The following USH2A variants were observed in gnomAD, a reference collection of about 807,000 sequenced individuals.
USH2A encodes the protein usherin.
In USH2A, 443 loss-of-function variants were observed where a neutral mutation model predicts 538.9. The observed-to-expected ratio is 0.82, with a 90% CI of 0.76 to 0.89. USH2A has a LOEUF of 0.89. USH2A is among the 40% of genes least tolerant of loss of function. USH2A has a pLI of 0.00. For synonymous variants in USH2A, 2,413 were observed against 2,273.5 expected (o/e 1.06, Z -1.75); for missense variants, 6,633 against 6,324.8 (o/e 1.05, Z -1.65).
intron 68 of USH2A, among the ~76,000 whole-genome samples, chr1:215,640,243 T>C (rs1656630274): frequency 6.6e-6 from 1 of 152,138 alleles, no homozygotes; most frequent in Non-Finnish European, 1.5e-5. Flanking sequence ...AGGGTAGTCA[T>C]TGACTATGTA....
intron 14 of USH2A, among the ~76,000 whole-genome samples, chr1:216,219,463 C>T (rs887381227): frequency 2.0e-5 from 3 of 152,012 alleles, no homozygotes; most frequent in Non-Finnish European, 4.4e-5. Context: ...TAAACACTTC[C>T]AAGACTCTTT....
intron 58 of USH2A, among the ~76,000 whole-genome samples, chr1:215,752,489 T>C (rs1237807662): frequency 2.0e-5 from 3 of 152,178 alleles, no homozygotes; most frequent in African/African-American, 7.2e-5. Context: ...ATGATCTCTT[T>C]ACAGCAATTT....
intron 70 of USH2A, among the ~76,000 whole-genome samples, chr1:215,633,077 C>G (rs1656361112): frequency 6.6e-6 from 1 of 152,048 alleles, no homozygotes. Context: ...GTGGTAAATG[C>G]TATAGAAAAG....
At chr1:216,094,957 T>G (rs1034638226) in intron 22 of USH2A, among the ~76,000 whole-genome samples, 11 of 140,440 alleles carry the variant, frequency 7.8e-5, no homozygotes, top group Non-Finnish European at 1.1e-4. Flanking sequence ...CGTGTGTAGG[T>G]GTGTGTGTGT....
chr1:216,220,923 T>C (rs958071342), intron 14 of USH2A, among the ~76,000 whole-genome samples: 3 of 152,132 alleles, frequency 2.0e-5, no homozygotes, highest in African/African-American at 4.8e-5. Flanking sequence ...GATCTCCAAT[T>C]GCTAAGGGAT....
chr1:215,660,144 G>T (rs184251287), intron 64 of USH2A, among the ~76,000 whole-genome samples: 50 of 152,144 alleles, frequency 3.3e-4, no homozygotes, highest in Non-Finnish European at 5.7e-4. Context: ...GAATCTTAAG[G>T]TTCGAATTTG....
At chr1:215,692,418 A>T (rs770328438) in intron 61 of USH2A, among the ~76,000 whole-genome samples, 1 of 151,728 alleles carries the variant, frequency 6.6e-6, no homozygotes, top group Non-Finnish European at 1.5e-5. Context: ...AATGAGGTAG[A>T]GATTGATGAC....
intron 3 of USH2A, among the ~76,000 whole-genome samples, chr1:216,414,765 T>G (rs990182769): frequency 6.6e-6 from 1 of 152,098 alleles, no homozygotes. Flanking sequence ...ATTCATCAAT[T>G]TGTGGCCATT....
In USH2A at chr1:216,089,100, T is replaced by C. The variant is rs1162786402; in HGVS notation, c.4798A>G (p.Lys1600Glu). The C allele has an allele frequency of 6.2e-7, 1 of 1,613,434 alleles. No individual in the cohort carries two copies. The highest frequency in any genetic ancestry group is 1.7e-5 in the Admixed American group (1 of 59,984). Residue 1600 changes from lysine to glutamate, a missense_variant, in exon 23 of 72, where the codon AAA (lysine) becomes GAA (glutamate). By Grantham distance (56) the Lys-to-Glu change is moderately conservative (BLOSUM62 1). Transcript: ENST00000307340. ...TGCCATTTTCCATCACTATATTGTT[T>C]GCCATGATCATTAGTTGTAGTTACT... ...VEVTTTNDHG[K>E]QYSDGKWHEI... is the part of the protein sequence containing the mutation.
At chr1:215,992,312 T>C (rs542045363) in intron 35 of USH2A, among the ~76,000 whole-genome samples, 1 of 152,194 alleles carries the variant, frequency 6.6e-6, no homozygotes, top group South Asian at 2.1e-4. Flanking sequence ...TACTATGTTA[T>C]ATGAACCTTA....
At chr1:216,240,737 A>G (rs930285695) in intron 13 of USH2A, among the ~76,000 whole-genome samples, 20 of 152,142 alleles carry the variant, frequency 1.3e-4, no homozygotes, top group Admixed American at 1.3e-3. Context: ...CTTTTTCAGA[A>G]GCTACTAGAA....
intron 14 of USH2A, among the ~76,000 whole-genome samples, chr1:216,229,776 AGGTGAT>A (rs1237392040): frequency 1.3e-5 from 2 of 152,192 alleles, no homozygotes; most frequent in Non-Finnish European, 2.9e-5. Flanking sequence ...GCAGAGTGAC[AGGTGAT>A]GGAACAGTAC....
At chr1:215,676,946 C>T (rs563026795) in intron 62 of USH2A, among the ~76,000 whole-genome samples, 230 of 152,276 alleles carry the variant, frequency 1.5e-3, no homozygotes, top group Middle Eastern at 3.4e-3. Context: ...TTTAAATAGG[C>T]GATTACCAAT....
At chr1:216,200,998 TCCC>T (rs2102469596) in intron 16 of USH2A, among the ~76,000 whole-genome samples, 1 of 35,724 alleles carries the variant, frequency 2.8e-5, no homozygotes, top group African/African-American at 1.3e-4. Flanking sequence ...CCTCCCTCCC[TCCC>T]TCCCTCCCTC....
chr1:216,121,533 A>G (rs2033139087), intron 21 of USH2A, among the ~76,000 whole-genome samples: 1 of 152,154 alleles, frequency 6.6e-6, no homozygotes, highest in South Asian at 2.1e-4. Flanking sequence ...CATAACCCAA[A>G]TAACTTCAGT....
At position 215,671,069 on chromosome 1, in the gene USH2A, G is replaced by A; in HGVS notation, c.14036C>T (p.Thr4679Ile). 2.5e-6 allele frequency: 4 copies of A among 1,614,162 alleles called. No homozygotes were observed. The highest frequency in any genetic ancestry group is 3.4e-6 in the Non-Finnish European group (4 of 1,180,008). The change falls in exon 64 of 72, where the codon ACT becomes ATT. Residue 4679 changes from threonine to isoleucine, a missense_variant. Coordinates refer to ENST00000307340, the MANE Select transcript of USH2A (RefSeq NM_206933.4). The stretch of plus-strand genomic sequence containing the variant: ...GACTGGATTGGATTTTCTAGGCTGA[G>A]TTGCTATTTGTCTTCTGTATAATTC... Reference protein sequence around the residue: ...YYELYRRQIATQPRKSNPVLI... With the variant: ...YYELYRRQIAIQPRKSNPVLI...
At chr1:215,707,708 T>C (rs1241837013) in intron 61 of USH2A, among the ~76,000 whole-genome samples, 1 of 152,244 alleles carries the variant, frequency 6.6e-6, no homozygotes, top group African/African-American at 2.4e-5. Flanking sequence ...GGCATGGTTC[T>C]AGGCACTAAA....
chr1:215,725,046 T>C (rs188822818), intron 61 of USH2A, among the ~76,000 whole-genome samples: 216 of 152,280 alleles, frequency 1.4e-3, no homozygotes, highest in African/African-American at 4.9e-3. Flanking sequence ...TCCTTTACTT[T>C]TTTTTGAGAC....
At chr1:216,010,267 C>G (rs1390076107) in intron 32 of USH2A, among the ~76,000 whole-genome samples, 4 of 152,186 alleles carry the variant, frequency 2.6e-5, no homozygotes, top group African/African-American at 9.7e-5. Flanking sequence ...CCTCCTCCTC[C>G]AGGAGCTTGC....
Sources: allele counts gnomAD v4.1 joint callset (sites outside exome capture counted in the v4.1 genomes callset), GRCh38; gene constraint gnomAD v4.1.1; transcripts MANE v1.5; gene names NCBI Gene and HGNC (gene_info 2026-07-23, HGNC 2026-07-21).